Variants in ZBTB17 observed in about 807,000 individuals in gnomAD.
ZBTB17 encodes the protein zinc finger and BTB domain containing 17.
A neutral mutation model predicts 85.1 loss-of-function variants in ZBTB17; 24 were observed. The observed-to-expected ratio is 0.28, with a 90% CI of 0.20 to 0.40. The LOEUF is 0.40. Ranked by LOEUF, ZBTB17 falls within the 10% of genes least tolerant of loss-of-function variation. The probability of loss-of-function intolerance (pLI) is 1.00; values close to 1 mark genes in which losing one functional copy is unlikely to be tolerated. For missense variants in ZBTB17, 743 were observed against 1,105.1 expected, an observed-to-expected ratio of 0.67 and a Z score of 4.65; for synonymous variants, 464 against 460.2, an observed-to-expected ratio of 1.01 and a Z score of -0.11.
chr1:15,943,886 G>C lies in ZBTB17; in HGVS notation c.1381C>G (p.Leu461Val), dbSNP rs758090669. ...CDKKFNQVGNLKAHLKIHIAD... is the reference protein window; with the variant it reads ...CDKKFNQVGNVKAHLKIHIAD... The stretch of plus-strand genomic sequence containing the variant: ...ATGTGGATCTTCAGGTGGGCCTTCA[G>C]GTTCCCTACCTGTGCCCAGGGAGGG... The change falls in exon 10 of 16, where the codon CTG becomes GTG. Residue 461 changes from leucine to valine, a missense_variant. Physicochemically the swap from Leu to Val is conservative, Grantham distance 32 (BLOSUM62 1). Around this residue, in one of 4 missense-constraint regions of ZBTB17, gnomAD observed 321 missense variants for 615.7 expected, o/e 0.52. Transcript: ENST00000375743. 6.2e-7 allele frequency: 1 copy of C among 1,601,868 alleles called. No individual in the cohort carries two copies. Among genetic ancestry groups the C allele is most frequent in the Non-Finnish European group, 8.5e-7 (1 of 1,174,712 alleles).
chr1:15,944,874 CAGCCGGTGGGA>C, intron 7 of ZBTB17, 35 bp from the exon 8 acceptor site: 1 of 1,570,002 alleles, frequency 6.4e-7, no homozygotes. Flanking sequence ...GTGTGAGGAG[CAGCCGGTGGGA>C]GGCCGGAGGG....
At chr1:15,975,055 G>A (rs2072814388) in intron 1 of ZBTB17, among the ~76,000 whole-genome samples, 1 of 152,220 alleles carries the variant, frequency 6.6e-6, no homozygotes, top group African/African-American at 2.4e-5. Context: ...GCTGAGTGAT[G>A]TGTCTCTACT....
intron 1 of ZBTB17, among the ~76,000 whole-genome samples, chr1:15,975,647 G>C (rs1322410415): frequency 6.6e-6 from 1 of 151,372 alleles, no homozygotes; most frequent in Non-Finnish European, 1.5e-5. Flanking sequence ...GCCCACCCTC[G>C]ACAGCGCGCG....
Position 15,959,301 on chromosome 1 carries a change from G to A in ZBTB17, c.-2-10804C>T, listed in dbSNP as rs535325501. On this transcript the variant is annotated intron_variant, in intron 2 of 15. Coordinates refer to ENST00000375743, the MANE Select transcript of ZBTB17 (RefSeq NM_003443.3). The stretch of plus-strand genomic sequence containing the variant: ...ATTTTACTTATTTTTAAAAGACAAC[G>A]TCCACATTTCTGTAGGGTATACACA... Among the ~76,000 whole-genome samples, 12 of 152,204 alleles carry A rather than the reference G, an allele frequency of 7.9e-5. No individual in the cohort carries two copies. The South Asian group carries it at 1.5e-3, about 18-fold the overall frequency.
intron 2 of ZBTB17, among the ~76,000 whole-genome samples, chr1:15,955,537 C>A (rs1018581978): frequency 9.8e-5 from 15 of 152,310 alleles, no homozygotes; most frequent in Middle Eastern, 6.8e-3. Context: ...CAAGGTTCAG[C>A]AGTATTTTCG....
rs2071461882 is a variant in ZBTB17, at chr1:15,943,816, G to A, written c.1451C>T (p.Thr484Ile). 6.2e-7 allele frequency: 1 copy of A among 1,612,310 alleles called. No homozygotes were observed. Residue 484 changes from threonine (T) to isoleucine (I), a missense_variant, in exon 10 of 16, where the codon ACC (threonine) becomes ATC (isoleucine). Physicochemically the swap from Thr to Ile is moderately conservative, Grantham distance 89 (BLOSUM62 -1). Transcript: ENST00000375743. The part of the protein sequence containing the change: ...LKCRECGKQF[T>I]TSGNLKRHLR... ...GGCAGCCCTGGCCCTACCTGAGGTG[G>A]TGAACTGCTTCCCACACTCTCGGCA... is the stretch of plus-strand genomic sequence containing the variant.
At chr1:15,969,544 A>G (rs4661674) in intron 2 of ZBTB17, 106,497 of 352,482 alleles carry the variant, frequency 0.3, 17,201 homozygotes, top group Middle Eastern at 0.34. Flanking sequence ...TGGGGACTCC[A>G]GGTCCCAGAG....
rs1271282278 is a variant in ZBTB17 at position 15,953,446 on chromosome 1, G to A, written c.-2-4949C>T. The stretch of plus-strand genomic sequence containing the variant: ...CGGCCATGCTCACCAGGGCTGCCTT[G>A]AGGCCCAGCGTGGCAGCGAGGGTCA... On this transcript the variant is annotated intron_variant, in intron 2 of 15. Transcript: ENST00000375743. The surrounding 1 kb of genome is among the most constrained non-coding windows in gnomAD (Gnocchi z 5.1). Among the ~76,000 whole-genome samples, 1 of 152,224 alleles carries A rather than the reference G, an allele frequency of 6.6e-6. No homozygotes were observed. The highest frequency in any genetic ancestry group is 2.4e-5 in the African/African-American group (1 of 41,448).
rs1333634690 is a variant in ZBTB17 at position 15,951,222 on chromosome 1, A to G, written c.-2-2725T>C. Among the ~76,000 whole-genome samples the G allele has an allele frequency of 6.6e-6, 1 of 151,998 alleles. No individual in the cohort carries two copies. Among genetic ancestry groups the G allele is most frequent in the Non-Finnish European group, 1.5e-5 (1 of 67,994 alleles). On this transcript the variant is annotated intron_variant, in intron 2 of 15. Coordinates refer to ENST00000375743, the MANE Select transcript of ZBTB17 (RefSeq NM_003443.3). The surrounding 1 kb of genome is among the most constrained non-coding windows in gnomAD (Gnocchi z 4.1). Reference sequence around the variant, plus strand: ...TGCCCCAGCAGAGAAACGCACCAAAAGGGAAGAAAACAGGAGAAATGATAA... The same window carrying G: ...TGCCCCAGCAGAGAAACGCACCAAAGGGGAAGAAAACAGGAGAAATGATAA...
intron 2 of ZBTB17, among the ~76,000 whole-genome samples, chr1:15,971,352 TACAC>T (rs1475947333): frequency 1.4e-5 from 2 of 148,078 alleles, no homozygotes; most frequent in Admixed American, 6.8e-5. Context: ...TATATGTACA[TACAC>T]ACACAATATA....
intron 2 of ZBTB17, among the ~76,000 whole-genome samples, chr1:15,959,788 AAGAC>A (rs1302854857): frequency 6.6e-6 from 1 of 152,164 alleles, no homozygotes; most frequent in African/African-American, 2.4e-5. Context: ...AAAAATAAAA[AAGAC>A]AGAAAAGAAA....
rs1000730091 is a variant in ZBTB17, at chr1:15,964,767, A to T, written c.-3+8272T>A. Among the ~76,000 whole-genome samples, 10 of 152,284 alleles carry T rather than the reference A, an allele frequency of 6.6e-5. No homozygotes were observed. Among genetic ancestry groups the T allele is most frequent in the Admixed American group, 3.3e-4 (5 of 15,296 alleles). ...GAGCAATGGGCCAAGGATTTACTAG[A>T]CACCAGTTCACCAGTTTTCTAAAAT... is the stretch of plus-strand genomic sequence containing the variant. On this transcript the variant is annotated intron_variant, in intron 2 of 15. Transcript: ENST00000375743. The surrounding 1 kb of genome is among the most constrained non-coding windows in gnomAD (Gnocchi z 4.3).
intron 2 of ZBTB17, among the ~76,000 whole-genome samples, chr1:15,950,264 G>A (rs993061648): frequency 2.6e-5 from 4 of 152,268 alleles, no homozygotes; most frequent in African/African-American, 9.6e-5. Context: ...CTGAAGGAAC[G>A]CAAGGGAGAA....
At position 15,943,489 on chromosome 1, in the gene ZBTB17, C is replaced by T. The variant is rs1326670490; in HGVS notation, c.1607G>A (p.Gly536Asp). 1 of 1,610,680 alleles carries T rather than the reference C, an allele frequency of 6.2e-7. No homozygotes were observed. The highest frequency in any genetic ancestry group is 2.2e-5 in the East Asian group (1 of 44,784). ...GGAGCTGGCCTGGGTGAAGGCCTTACCGCACATCACACACTGGCATGGCTT... is the reference window on the plus strand; with the variant it reads ...GGAGCTGGCCTGGGTGAAGGCCTTATCGCACATCACACACTGGCATGGCTT... ...GEKPCQCVMC[G>D]KAFTQASSLI... Residue 536 changes from glycine to aspartate, a missense_variant, in exon 12 of 16, where the codon GGT becomes GAT. Physicochemically the swap from Gly to Asp is moderately conservative, Grantham distance 94 (BLOSUM62 -1). This residue lies in a region of ZBTB17 where 321 missense variants were observed against 615.7 expected (regional missense o/e 0.52). Transcript: ENST00000375743.
At chr1:15,971,542 CACACACACTATATATAT>C (rs2072681558) in intron 2 of ZBTB17, among the ~76,000 whole-genome samples, 7 of 137,304 alleles carry the variant, frequency 5.1e-5, no homozygotes, top group African/African-American at 1.9e-4. Context: ...TATATATATA[CACACACACTATATATAT>C]ACACACACAC....
At position 15,943,560 on chromosome 1, in the gene ZBTB17, G is replaced by A. The variant is rs12404554; in HGVS notation, c.1576+39C>T. On this transcript the variant is annotated intron_variant, in intron 11 of 15. Transcript: ENST00000375743. Reference sequence around the variant, plus strand: ...AAGGTGTTGGTGCCTGCTCCTCTCCGTGCCCTCCCAGTCCTGGGCATGGCC... The same window carrying A: ...AAGGTGTTGGTGCCTGCTCCTCTCCATGCCCTCCCAGTCCTGGGCATGGCC... 1.3e-5 allele frequency: 21 copies of A among 1,612,070 alleles called. No homozygotes were observed. The Admixed American group carries it at 2.7e-4, about 20-fold the overall frequency.
chr1:15,959,795 AAAAG>A (rs2072192427), intron 2 of ZBTB17, among the ~76,000 whole-genome samples: 1 of 152,192 alleles, frequency 6.6e-6, no homozygotes, highest in African/African-American at 2.4e-5. Flanking sequence ...AAAAAGACAG[AAAAG>A]AAAGAAAGAA....
At chr1:15,974,698 C>A (rs915406515) in intron 1 of ZBTB17, among the ~76,000 whole-genome samples, 2 of 152,112 alleles carry the variant, frequency 1.3e-5, no homozygotes, top group Non-Finnish European at 2.9e-5. Flanking sequence ...CCTCAGCCTC[C>A]TGAGCAGCTG....
Position 15,942,322 on chromosome 1 carries a change from C to A in ZBTB17, c.2128+9G>T. 6.2e-7 allele frequency: 1 copy of A among 1,613,948 alleles called. No homozygotes were observed. Among genetic ancestry groups the A allele is most frequent in the East Asian group, 2.2e-5 (1 of 44,888 alleles). The stretch of plus-strand genomic sequence containing the variant: ...CTGCCCACATTCACACCCGGGTGGC[C>A]CCCCTCACCTTCTTCCTGCACTTGC... On this transcript the variant is annotated intron_variant, in intron 15 of 15. Transcript: ENST00000375743.
Sources: gnomAD v4.1 joint callset for allele counts (sites outside exome capture counted in the v4.1 genomes callset) on GRCh38, gnomAD v4.1.1 for gene constraint, gnomAD v4.1.1 regional missense constraint, Gnocchi (gnomAD v3.1) non-coding constraint, MANE v1.5 for transcripts, NCBI Gene and HGNC (gene_info 2026-07-23, HGNC 2026-07-21) for gene names.